The following CSMD1 variants were observed in gnomAD, a reference collection of about 807,000 sequenced individuals.
CSMD1 encodes the protein CUB and sushi domain-containing protein 1.
A neutral mutation model predicts 417.5 loss-of-function variants in CSMD1; 213 were observed. The observed-to-expected ratio is 0.51, with a 90% CI of 0.46 to 0.57. The LOEUF (loss-of-function observed/expected upper bound fraction) is 0.57. CSMD1 is among the 20% of genes least tolerant of loss of function. The pLI, the probability that CSMD1 is intolerant of heterozygous loss-of-function variation, is 0.00. For missense variants in CSMD1, 6,923 were observed against 4,529.7 expected, an observed-to-expected ratio of 1.53 and a Z score of -15.17; for synonymous variants, 2,862 against 1,736.8, an observed-to-expected ratio of 1.65 and a Z score of -16.11.
In CSMD1 at chr8:3,742,324, C is replaced by G. The variant is rs567820823; in HGVS notation, c.931+11606G>C. Reference sequence around the variant, plus strand: ...TTATGAAATCTGGTATCCAGGGAGACAGTCCATAACTTACATTAACATTTC... The same window carrying G: ...TTATGAAATCTGGTATCCAGGGAGAGAGTCCATAACTTACATTAACATTTC... On this transcript the variant is annotated intron_variant, in intron 6 of 69. Transcript: ENST00000635120. Among the ~76,000 whole-genome samples the G allele has an allele frequency of 1.7e-4, 26 of 152,248 alleles. No homozygotes were observed. In the South Asian group the frequency reaches 4.8e-3, roughly 28 times the overall value.
At chr8:4,574,134 T>G (rs546964026) in intron 2 of CSMD1, among the ~76,000 whole-genome samples, 1 of 151,358 alleles carries the variant, frequency 6.6e-6, no homozygotes, top group African/African-American at 2.4e-5. Context: ...GAGTGAACAG[T>G]TCTGTCTCGT....
intron 1 of CSMD1, among the ~76,000 whole-genome samples, chr8:4,940,377 TAC>T (rs1336028714): frequency 1.3e-5 from 2 of 152,224 alleles, no homozygotes; most frequent in Non-Finnish European, 1.5e-5. Context: ...AGTGGAAATA[TAC>T]AGTTATATTA....
At chr8:4,470,919 G>T (rs938811689) in intron 2 of CSMD1, among the ~76,000 whole-genome samples, 1 of 152,168 alleles carries the variant, frequency 6.6e-6, no homozygotes, top group Non-Finnish European at 1.5e-5. Flanking sequence ...TAGTATGAAT[G>T]TGTAAATAAG....
At chr8:3,338,894 TTACATATGTA>T (rs1041768275) in intron 23 of CSMD1, among the ~76,000 whole-genome samples, 6 of 151,790 alleles carry the variant, frequency 4.0e-5, no homozygotes, top group African/African-American at 1.2e-4. Context: ...TGCAGGTTAG[TTACATATGTA>T]TACATGTGCC....
chr8:3,355,101 G>A (rs755842429), intron 21 of CSMD1, among the ~76,000 whole-genome samples: 6 of 151,736 alleles, frequency 4.0e-5, no homozygotes, highest in Non-Finnish European at 7.4e-5. Context: ...ATATTTTTTC[G>A]TTTTTTATTT....
At chr8:4,610,134 T>C (rs1387162152) in intron 2 of CSMD1, among the ~76,000 whole-genome samples, 1 of 150,494 alleles carries the variant, frequency 6.6e-6, no homozygotes, top group Non-Finnish European at 1.5e-5. Flanking sequence ...ATTTAAAGAC[T>C]AATAGGTTAT....
intron 6 of CSMD1, among the ~76,000 whole-genome samples, chr8:3,711,299 T>A: frequency 6.6e-6 from 1 of 152,176 alleles, no homozygotes; most frequent in East Asian, 1.9e-4. Flanking sequence ...ACAGGGATCC[T>A]GGCATTGACT....
rs149925782 is a variant in CSMD1 at position 3,557,592 on chromosome 8, C to A, written c.1344+17353G>T. Among the ~76,000 whole-genome samples the A allele has an allele frequency of 2.1e-3, 325 of 152,324 alleles. 1 individual carries two copies. The highest frequency in any genetic ancestry group is 7.2e-3 in the African/African-American group (298 of 41,576). On this transcript the variant is annotated intron_variant, in intron 10 of 69. Coordinates refer to ENST00000635120, the MANE Select transcript of CSMD1 (RefSeq NM_033225.6). ...GCAAGTCCTGAATTGGCCCCAACAG[C>A]CTCTCACTGCTTGAGGCTTTCTTTC...
chr8:3,128,014 T>C (rs1817601920), intron 41 of CSMD1: 2 of 151,610 alleles, frequency 1.3e-5, no homozygotes, highest in African/African-American at 4.8e-5. Flanking sequence ...CTTCTCCAAA[T>C]TGCAAAACCT....
intron 4 of CSMD1, among the ~76,000 whole-genome samples, chr8:4,006,312 G>A (rs535097951): frequency 5.9e-5 from 9 of 152,204 alleles, no homozygotes; most frequent in African/African-American, 2.2e-4. Flanking sequence ...GGGAGGCTGA[G>A]ATGGATGGAT....
intron 12 of CSMD1, among the ~76,000 whole-genome samples, chr8:3,437,941 A>T (rs1309667931): frequency 6.6e-6 from 1 of 151,980 alleles, no homozygotes; most frequent in Non-Finnish European, 1.5e-5. Context: ...GGGTTTCATC[A>T]TGTTGGCCAG....
chr8:4,953,359 A>C (rs1369724520), intron 1 of CSMD1, among the ~76,000 whole-genome samples: 1 of 152,154 alleles, frequency 6.6e-6, no homozygotes, highest in African/African-American at 2.4e-5. Flanking sequence ...CTAAATCCTG[A>C]ATCACCATTT....
chr8:3,249,895 T>G (rs1026827662), intron 26 of CSMD1, among the ~76,000 whole-genome samples: 2 of 152,284 alleles, frequency 1.3e-5, no homozygotes, highest in Non-Finnish European at 2.9e-5. Flanking sequence ...AAAATGCTAT[T>G]GCAAAGCCAA....
intron 62 of CSMD1, among the ~76,000 whole-genome samples, chr8:2,958,804 A>T (rs1408195733): frequency 6.6e-6 from 1 of 152,226 alleles, no homozygotes; most frequent in Non-Finnish European, 1.5e-5. Context: ...TTGCTCTGAG[A>T]ATTTTAACCA....
chr8:3,108,285 T>C (rs1199479734), intron 44 of CSMD1, among the ~76,000 whole-genome samples: 5 of 152,326 alleles, frequency 3.3e-5, no homozygotes, highest in African/African-American at 1.2e-4. Flanking sequence ...ACATGACATT[T>C]GCTATAACAC....
rs143703195 is a variant in CSMD1 at position 4,396,616 on chromosome 8, TACAC to T, written c.415+23333_415+23336del. Among the ~76,000 whole-genome samples, 1,088 of 148,672 alleles carry T rather than the reference TACAC, an allele frequency of 7.3e-3. 5 individuals are homozygous for T. The highest frequency in any genetic ancestry group is 8.8e-3 in the Non-Finnish European group (592 of 66,972). ...CAATGAGTGCATAAGGAAAATGTGA[TACAC>T]ACACACACACACACACACACATAAA... On this transcript the variant is annotated intron_variant, in intron 3 of 69. Transcript: ENST00000635120.
At chr8:3,365,231 G>C (rs543187431) in intron 20 of CSMD1, among the ~76,000 whole-genome samples, 1 of 152,176 alleles carries the variant, frequency 6.6e-6, no homozygotes, top group Non-Finnish European at 1.5e-5. Context: ...AAATTTCCAA[G>C]AAATCAAGTG....
chr8:3,482,981 G>T (rs561945737), intron 11 of CSMD1, among the ~76,000 whole-genome samples: 1 of 152,128 alleles, frequency 6.6e-6, no homozygotes, highest in South Asian at 2.1e-4. Context: ...AGATAAAACA[G>T]TGCCAAGAGG....
At chr8:3,907,593 C>G (rs1348510972) in intron 5 of CSMD1, among the ~76,000 whole-genome samples, 4 of 152,074 alleles carry the variant, frequency 2.6e-5, no homozygotes, top group African/African-American at 7.2e-5. Flanking sequence ...CAGGTACAGG[C>G]CAACATCATG....
Sources: allele counts gnomAD v4.1 joint callset (sites outside exome capture counted in the v4.1 genomes callset), GRCh38; gene constraint gnomAD v4.1.1; transcripts MANE v1.5; gene names NCBI Gene and HGNC (gene_info 2026-07-23, HGNC 2026-07-21).